The following KCNAB1 variants were observed in gnomAD, a reference collection of about 807,000 sequenced individuals.
KCNAB1 encodes the protein voltage-gated potassium channel subunit beta-1.
A neutral mutation model predicts 64.6 loss-of-function variants in KCNAB1; 35 were observed. The observed-to-expected ratio is 0.54, with a 90% confidence interval of 0.41 to 0.72. The LOEUF (loss-of-function observed/expected upper bound fraction) is 0.72. KCNAB1 is among the 30% of genes least tolerant of loss of function. KCNAB1 has a pLI of 0.00. For synonymous variants in KCNAB1, 177 were observed against 183.8 expected (o/e 0.96, Z 0.30); for missense variants, 401 against 512.9 (o/e 0.78, Z 2.11).
In KCNAB1 at chr3:156,514,462, C is replaced by A. The variant is rs1322785053; in HGVS notation, c.744+13C>A. 3.1e-6 allele frequency: 5 copies of A among 1,591,724 alleles called. No homozygotes were observed. Among genetic ancestry groups the A allele is most frequent in the Non-Finnish European group, 4.3e-6 (5 of 1,159,892 alleles). On this transcript the variant is annotated intron_variant, in intron 9 of 13. Transcript: ENST00000490337. ...TATGGAGATCATGGTAATTTAACTT[C>A]TATTTTTAAATGGCTATTGAGTACC...
At chr3:156,378,825 A>G (rs1447745118) in intron 1 of KCNAB1, among the ~76,000 whole-genome samples, 1 of 152,166 alleles carries the variant, frequency 6.6e-6, no homozygotes, top group Non-Finnish European at 1.5e-5. Flanking sequence ...GAGGAGGGTC[A>G]AGAGCCAAGC....
chr3:156,507,705 A>T (rs934017185), intron 8 of KCNAB1, among the ~76,000 whole-genome samples: 1 of 152,240 alleles, frequency 6.6e-6, no homozygotes, highest in African/African-American at 2.4e-5. Flanking sequence ...AGCTGACCTG[A>T]AGTAAAAATT....
chr3:156,376,185 G>A (rs772448523), intron 1 of KCNAB1, among the ~76,000 whole-genome samples: 3 of 152,194 alleles, frequency 2.0e-5, no homozygotes, highest in South Asian at 2.1e-4. Context: ...ATGCCAGCTC[G>A]ATGTCCCCAT....
chr3:156,130,300 T>TA (rs1713920327), intron 1 of KCNAB1, among the ~76,000 whole-genome samples: 1 of 152,228 alleles, frequency 6.6e-6, no homozygotes, highest in Non-Finnish European at 1.5e-5. Flanking sequence ...GTTTTTCTAG[T>TA]AAAAATAGGT....
intron 9 of KCNAB1, 32 bp downstream of exon 9, chr3:156,514,481 G>A (rs1432011761): frequency 6.7e-7 from 1 of 1,500,394 alleles, no homozygotes; most frequent in East Asian, 2.3e-5. Flanking sequence ...AATGGCTATT[G>A]AGTACCTTAT....
intron 2 of KCNAB1, among the ~76,000 whole-genome samples, chr3:156,423,359 A>G (rs1480396443): frequency 1.3e-5 from 2 of 152,252 alleles, no homozygotes; most frequent in Admixed American, 6.5e-5. Context: ...ACAGTACATG[A>G]AAGAAGCAGA....
intron 1 of KCNAB1, among the ~76,000 whole-genome samples, chr3:156,419,908 A>G (rs986545087): frequency 1.3e-5 from 2 of 152,246 alleles, no homozygotes; most frequent in Non-Finnish European, 2.9e-5. Flanking sequence ...AAATCAGTAG[A>G]CTTTTGGACT....
At chr3:156,279,081 G>C (rs1193640053) in intron 1 of KCNAB1, among the ~76,000 whole-genome samples, 1 of 151,220 alleles carries the variant, frequency 6.6e-6, no homozygotes, top group Non-Finnish European at 1.5e-5. Context: ...TCATCATCTA[G>C]CATTAGGTAT....
intron 1 of KCNAB1, among the ~76,000 whole-genome samples, chr3:156,350,933 A>G (rs1724817814): frequency 6.6e-6 from 1 of 152,244 alleles, no homozygotes; most frequent in African/African-American, 2.4e-5. Context: ...GTGTGAGAGC[A>G]GGGCTCAGCA....
At chr3:156,216,398 C>G (rs1354934286) in intron 1 of KCNAB1, among the ~76,000 whole-genome samples, 5 of 152,174 alleles carry the variant, frequency 3.3e-5, no homozygotes, top group South Asian at 2.1e-4. Flanking sequence ...TCCAGGCAAC[C>G]TTGGGTGGTC....
In KCNAB1 at chr3:156,391,413, G is replaced by C. The variant is rs146981117; in HGVS notation, c.276-30203G>C. 1.6e-3 allele frequency among the ~76,000 whole-genome samples: 248 copies of C among 152,080 alleles called. 3 individuals carry two copies. Among genetic ancestry groups the C allele is most frequent in the East Asian group, 0.012 (60 of 5,184 alleles). On this transcript the variant is annotated intron_variant, in intron 1 of 13. Coordinates refer to ENST00000490337, the MANE Select transcript of KCNAB1 (RefSeq NM_172160.3). ...TGTTAAAAATTTTCCTTTTGTTTAT[G>C]GTCCTTTCATTTTGTTATTTTAGAA...
rs558833222 is a variant in KCNAB1 at position 156,284,225 on chromosome 3, C to T, written c.276-137391C>T. On this transcript the variant is annotated intron_variant, in intron 1 of 13. Transcript: ENST00000490337. ...CTGCAGGTCTGTTGGAGTACCCTGC[C>T]GTGTGAGGTGTCAGTGTGCCCCTGC... Among the ~76,000 whole-genome samples, 319 of 152,034 alleles carry T rather than the reference C, an allele frequency of 2.1e-3. 3 individuals are homozygous for T. Among genetic ancestry groups the T allele is most frequent in the East Asian group, 6.6e-3 (34 of 5,170 alleles).
At chr3:156,329,480 A>G (rs184283600) in intron 1 of KCNAB1, among the ~76,000 whole-genome samples, 130 of 152,222 alleles carry the variant, frequency 8.5e-4, no homozygotes, top group African/African-American at 2.9e-3. Context: ...GAACCCCCCA[A>G]CAGCTGGGCC....
Position 156,463,742 on chromosome 3 carries a change from G to A in KCNAB1, c.523G>A (p.Gly175Arg). The A allele has an allele frequency of 6.2e-7, 1 of 1,601,178 alleles. No homozygotes were observed. The highest frequency in any genetic ancestry group is 8.5e-7 in the Non-Finnish European group (1 of 1,175,472). ...LVITTKLYWG[G>R]KAETERGLSR... is the part of the protein sequence containing the mutation. ...CATAACAACCAAACTCTACTGGGGTGGAAAGTAAGTTATTTTTCCTACTAA... is the reference window on the plus strand; with the variant it reads ...CATAACAACCAAACTCTACTGGGGTAGAAAGTAAGTTATTTTTCCTACTAA... Residue 175 changes from glycine to arginine, a missense_variant, in exon 6 of 14, where the codon GGA becomes AGA. Physicochemically the swap from Gly to Arg is moderately radical, Grantham distance 125. Coordinates refer to ENST00000490337, the MANE Select transcript of KCNAB1 (RefSeq NM_172160.3).
intron 2 of KCNAB1, among the ~76,000 whole-genome samples, chr3:156,421,869 C>T (rs1454457265): frequency 1.3e-5 from 2 of 152,086 alleles, no homozygotes; most frequent in Non-Finnish European, 2.9e-5. Context: ...TTATAGGGGC[C>T]CGTCGAGCAT....
In KCNAB1 at chr3:156,171,419, G is replaced by C. The variant is rs935141050; in HGVS notation, c.275+50533G>C. Among the ~76,000 whole-genome samples, 8 of 152,268 alleles carry C rather than the reference G, an allele frequency of 5.3e-5. No homozygotes were observed. The South Asian group carries it at 1.7e-3, about 32-fold the overall frequency. ...TCTCCCCAGTGGTCCTTTGGCAATG[G>C]AGAAATTAGCATGAAATATAAAGCA... On this transcript the variant is annotated intron_variant, in intron 1 of 13. Coordinates refer to ENST00000490337, the MANE Select transcript of KCNAB1 (RefSeq NM_172160.3).
intron 1 of KCNAB1, among the ~76,000 whole-genome samples, chr3:156,389,772 T>C (rs1052831900): frequency 2.0e-5 from 3 of 152,242 alleles, no homozygotes; most frequent in Non-Finnish European, 4.4e-5. Flanking sequence ...GAACCACTTA[T>C]GCACTTGGGG....
intron 1 of KCNAB1, among the ~76,000 whole-genome samples, chr3:156,384,009 G>C (rs554362659): frequency 2.6e-5 from 4 of 152,290 alleles, no homozygotes; most frequent in African/African-American, 9.6e-5. Flanking sequence ...TTGGGTGGTT[G>C]TTTTCAGGGT....
chr3:156,163,962 A>AG (rs1228974577), intron 1 of KCNAB1, among the ~76,000 whole-genome samples: 1 of 152,196 alleles, frequency 6.6e-6, no homozygotes, highest in Middle Eastern at 3.2e-3. Flanking sequence ...CTTCCAACTG[A>AG]GGAGTTGGAT....
Sources: gnomAD v4.1 joint callset for allele counts (sites outside exome capture counted in the v4.1 genomes callset) on GRCh38, gnomAD v4.1.1 for gene constraint, MANE v1.5 for transcripts, NCBI Gene and HGNC (gene_info 2026-07-23, HGNC 2026-07-21) for gene names.